EPC2: variants seen among roughly 807,000 people sequenced by gnomAD.
EPC2 encodes enhancer of polycomb homolog 2.
In EPC2, 14 loss-of-function variants were observed where a neutral mutation model predicts 92.1. That is an observed-to-expected ratio of 0.15 (90% CI 0.10 to 0.24). The LOEUF is 0.24. Among genes scored for constraint, EPC2 ranks in the 10% least tolerant of loss-of-function variants. The pLI is 1.00. For synonymous variants in EPC2, 340 were observed against 334.7 expected, an observed-to-expected ratio of 1.02 and a Z score of -0.17; for missense variants, 755 against 971.5, an observed-to-expected ratio of 0.78 and a Z score of 2.96.
rs74445767 is a variant in EPC2, at chr2:148,743,904, G to A, written c.459+137G>A. ...CTGGAATTTCTGTTTACAATGTTCC[G>A]TGAGTGGAGAGTACTTAAGCACAAT... On this transcript the variant is annotated intron_variant, in intron 3 of 13. Coordinates refer to ENST00000258484, the MANE Select transcript of EPC2 (RefSeq NM_015630.4). The A allele has an allele frequency of 1.5e-3, 948 of 624,046 alleles. 6 individuals carry two copies. The highest frequency in any genetic ancestry group is 2.1e-3 in the Non-Finnish European group (799 of 388,890). 38.7% of individuals were successfully genotyped at this position (624,046 alleles called of 1,614,324 possible). A position where few individuals can be genotyped will look rare whatever the true frequency, so the allele number is the denominator to read the frequency against.
intron 10 of EPC2, among the ~76,000 whole-genome samples, chr2:148,779,488 C>T (rs1401787775): frequency 6.6e-6 from 1 of 152,052 alleles, no homozygotes. Context: ...GAGGCTGAGG[C>T]GGGAGGATTG....
chr2:148,754,364 C>T (rs536495287), intron 4 of EPC2, among the ~76,000 whole-genome samples: 10 of 152,256 alleles, frequency 6.6e-5, no homozygotes, highest in Non-Finnish European at 8.8e-5. Flanking sequence ...CAGTTGTTTA[C>T]GCTGTTTATC....
At chr2:148,716,488 T>C (rs139869064) in intron 2 of EPC2, among the ~76,000 whole-genome samples, 1 of 152,258 alleles carries the variant, frequency 6.6e-6, no homozygotes, top group African/African-American at 2.4e-5. Context: ...TAATCATGTA[T>C]TTTTTTGTCT....
chr2:148,770,723 G>T (rs1683499768), intron 8 of EPC2, 69 bp from the exon 9 acceptor site: 1 of 1,481,632 alleles, frequency 6.7e-7, no homozygotes, highest in South Asian at 1.4e-5. Context: ...TGTTTATCAT[G>T]ATCTAACCTG....
At chr2:148,784,588 C>T (rs886781052) in intron 12 of EPC2, 80 bp from the exon 13 acceptor site, 15 of 1,061,556 alleles carry the variant, frequency 1.4e-5, no homozygotes, top group African/African-American at 4.8e-5. Context: ...TACAAATGTT[C>T]GTATTTATTT....
chr2:148,768,897 A>T (rs1683465586), intron 7 of EPC2, among the ~76,000 whole-genome samples: 1 of 152,224 alleles, frequency 6.6e-6, no homozygotes, highest in Non-Finnish European at 1.5e-5. Flanking sequence ...AAGACTTAGC[A>T]CTTCATGTTT....
chr2:148,781,711 G>C lies in EPC2; in HGVS notation c.1788G>C (p.Gln596His). ...HQQQLVQMQRQQLAQLQQKQQ... is the reference protein window; with the variant it reads ...HQQQLVQMQRHQLAQLQQKQQ... ...AGCAGTTAGTTCAGATGCAAAGGCA[G>C]CAACTTGCCCAGCTTCAGCAGAAAC... Residue 596 changes from glutamine to histidine, a missense_variant, in exon 11 of 14, where the codon CAG becomes CAC. By Grantham distance (24) the Gln-to-His change is conservative. Coordinates refer to ENST00000258484, the MANE Select transcript of EPC2 (RefSeq NM_015630.4). The C allele has an allele frequency of 6.2e-7, 1 of 1,613,982 alleles. No homozygotes were observed. The highest frequency in any genetic ancestry group is 1.1e-5 in the South Asian group (1 of 91,080).
chr2:148,645,819 T>G (rs1683787120), intron 1 of EPC2, among the ~76,000 whole-genome samples: 2 of 152,244 alleles, frequency 1.3e-5, no homozygotes, highest in East Asian at 3.9e-4. Context: ...GCGGACGGGC[T>G]CTGCCTGCTC....
intron 1 of EPC2, among the ~76,000 whole-genome samples, chr2:148,663,462 C>T (rs1195653048): frequency 6.6e-6 from 1 of 151,670 alleles, no homozygotes; most frequent in Non-Finnish European, 1.5e-5. Context: ...TCGTGACCCA[C>T]CCGCCTTGGC....
intron 7 of EPC2, among the ~76,000 whole-genome samples, chr2:148,767,146 C>T (rs553930001): frequency 1.3e-5 from 2 of 150,038 alleles, no homozygotes; most frequent in Non-Finnish European, 3.0e-5. Context: ...TGCTGTGAGC[C>T]AAGGTTGCAC....
At chr2:148,712,127 C>T in intron 2 of EPC2, among the ~76,000 whole-genome samples, 1 of 151,640 alleles carries the variant, frequency 6.6e-6, no homozygotes, top group East Asian at 1.9e-4. Flanking sequence ...TATTTGATTC[C>T]CTTGGTCTTT....
intron 13 of EPC2, among the ~76,000 whole-genome samples, chr2:148,785,514 G>A (rs1302337153): frequency 6.6e-6 from 1 of 152,152 alleles, no homozygotes; most frequent in Non-Finnish European, 1.5e-5. Flanking sequence ...TTTTAGTAGA[G>A]ACGGGGTTTC....
At chr2:148,701,206 G>A (rs1681880089) in intron 2 of EPC2, among the ~76,000 whole-genome samples, 1 of 152,144 alleles carries the variant, frequency 6.6e-6, no homozygotes, top group Admixed American at 6.5e-5. Context: ...CTTGTCATCT[G>A]TAAGCAAAGA....
At chr2:148,671,286 G>GTTTTTTTTTTTTTTT (rs369058386) in intron 1 of EPC2, among the ~76,000 whole-genome samples, 1 of 130,652 alleles carries the variant, frequency 7.7e-6, no homozygotes, top group African/African-American at 3.0e-5. Flanking sequence ...TGTGGATTGT[G>GTTTTTTTTTTTTTTT]ATTTTTTTTT....
At chr2:148,729,057 A>G (rs1054269093) in intron 2 of EPC2, among the ~76,000 whole-genome samples, 12 of 143,382 alleles carry the variant, frequency 8.4e-5, no homozygotes, top group African/African-American at 2.8e-4. Context: ...AAAAAAAAAA[A>G]GCAAACTTGG....
chr2:148,744,824 A>G (rs1179478244), intron 3 of EPC2, among the ~76,000 whole-genome samples: 1 of 146,170 alleles, frequency 6.8e-6, no homozygotes, highest in African/African-American at 2.5e-5. Flanking sequence ...TAGAGTTGCA[A>G]ATAAACTTTT....
chr2:148,709,935 G>A (rs1197011000), intron 2 of EPC2, among the ~76,000 whole-genome samples: 1 of 152,110 alleles, frequency 6.6e-6, no homozygotes, highest in Non-Finnish European at 1.5e-5. Flanking sequence ...ACATAGGCAT[G>A]GACAAGGAAT....
At chr2:148,679,724 C>T (rs75602728) in intron 1 of EPC2, among the ~76,000 whole-genome samples, 5,818 of 152,292 alleles carry the variant, frequency 0.038, 151 homozygotes, top group Middle Eastern at 0.054. Flanking sequence ...CAGCTCACTG[C>T]AGCCTCCCAT....
At chr2:148,785,399 C>G (rs1441803830) in intron 13 of EPC2, among the ~76,000 whole-genome samples, 2 of 152,012 alleles carry the variant, frequency 1.3e-5, no homozygotes, top group Non-Finnish European at 2.9e-5. Context: ...GCAATCTCAG[C>G]TCACTGCAGC....
Sources: allele counts gnomAD v4.1 joint callset (sites outside exome capture counted in the v4.1 genomes callset), GRCh38; gene constraint gnomAD v4.1.1; transcripts MANE v1.5; gene names NCBI Gene and HGNC (gene_info 2026-07-23, HGNC 2026-07-21).